BCLAF3: variants seen among roughly 807,000 people sequenced by gnomAD.
BCLAF3 encodes the protein BCLAF1 and THRAP3 family member 3.
A neutral mutation model predicts 51.2 loss-of-function variants in BCLAF3; 24 were observed. That is an observed-to-expected ratio of 0.47 (90% confidence interval 0.34 to 0.66). BCLAF3 has a LOEUF of 0.66. Among genes scored for constraint, BCLAF3 ranks in the 30% least tolerant of loss-of-function variants. The pLI is 0.01. For missense variants in BCLAF3, 465 were observed against 525.1 expected, an observed-to-expected ratio of 0.89 and a Z score of 1.12; for synonymous variants, 152 against 176.6, an observed-to-expected ratio of 0.86 and a Z score of 1.10.
At position 19,917,067 on chromosome X, in the gene BCLAF3, C is replaced by A; in HGVS notation, c.*238G>T. ...AACAAATAATGCCCTTCAAGTGATTCTTTTGAGACTTTTTGCAAAGGAAAC... is the reference window on the plus strand; with the variant it reads ...AACAAATAATGCCCTTCAAGTGATTATTTTGAGACTTTTTGCAAAGGAAAC... On this transcript the variant is annotated 3_prime_UTR_variant, in exon 12 of 12. Coordinates refer to ENST00000379682, the MANE Select transcript of BCLAF3 (RefSeq NM_001367774.2). The A allele has an allele frequency of 2.7e-6, 1 of 370,479 alleles. No individual in the cohort carries two copies. 30.5% of individuals were successfully genotyped at this position (370,479 alleles called of 1,213,427 possible).
chrX:19,922,092 A>G (rs1415896331), intron 11 of BCLAF3, among the ~76,000 whole-genome samples: 1 of 111,750 alleles, frequency 8.9e-6, no homozygotes, highest in Admixed American at 9.5e-5. Flanking sequence ...AAAGTTAACC[A>G]TAGGCCGGGA....
chrX:19,936,209 T>A (rs759657222), intron 9 of BCLAF3, among the ~76,000 whole-genome samples: 1 of 112,071 alleles, frequency 8.9e-6, no homozygotes, highest in African/African-American at 3.2e-5. Flanking sequence ...CTAGCATTTA[T>A]TCAGGCAGCT....
intron 1 of BCLAF3, among the ~76,000 whole-genome samples, chrX:19,971,447 T>C (rs2072255325): frequency 8.9e-6 from 1 of 112,459 alleles, no homozygotes; most frequent in African/African-American, 3.2e-5. Context: ...GCCCAAAATA[T>C]AATTGAACAT....
At chrX:19,925,951 C>T (rs2070341176) in intron 11 of BCLAF3, among the ~76,000 whole-genome samples, 1 of 111,462 alleles carries the variant, frequency 9.0e-6, no homozygotes, top group Admixed American at 9.6e-5. Flanking sequence ...GAGAGTGGAG[C>T]CCAGCTGTTC....
chrX:19,952,934 C>T (rs756541753), intron 7 of BCLAF3, 54 bp downstream of exon 7: 8 of 988,838 alleles, frequency 8.1e-6, no homozygotes, highest in Non-Finnish European at 9.9e-6. Context: ...AAGCCCCTTG[C>T]CGTTAATATA....
intron 2 of BCLAF3, 114 bp downstream of exon 2, chrX:19,970,110 A>C (rs1253132293): frequency 1.7e-6 from 1 of 595,784 alleles, no homozygotes; most frequent in East Asian, 3.3e-5. Flanking sequence ...CACTATGATA[A>C]AGTACCTACT....
At chrX:19,975,078 A>G (rs189652796) in intron 1 of BCLAF3, among the ~76,000 whole-genome samples, 1,529 of 111,257 alleles carry the variant, frequency 0.014, 9 homozygotes, top group Middle Eastern at 0.018. Flanking sequence ...CACACTTTAA[A>G]CCAGTAAACT....
intron 11 of BCLAF3, chrX:19,928,956 A>G (rs1466640788): frequency 8.9e-6 from 1 of 111,971 alleles, no homozygotes; most frequent in African/African-American, 3.2e-5. Context: ...GCATCAACAC[A>G]AAATTTCAGT....
intron 7 of BCLAF3, among the ~76,000 whole-genome samples, chrX:19,951,611 G>C (rs867490505): frequency 2.5e-4 from 18 of 71,703 alleles, no homozygotes; most frequent in Non-Finnish European, 4.3e-4. Context: ...AAAAAAAAAA[G>C]AAACAAACAA....
chrX:19,982,956 T>C (rs1018413613), intron 1 of BCLAF3, among the ~76,000 whole-genome samples: 1 of 85,389 alleles, frequency 1.2e-5, no homozygotes, highest in Non-Finnish European at 2.0e-5. Context: ...CCTTTTTTTT[T>C]TCTTTTTTTT....
At chrX:19,980,625 G>T (rs965475129) in intron 1 of BCLAF3, among the ~76,000 whole-genome samples, 9 of 111,558 alleles carry the variant, frequency 8.1e-5, no homozygotes. Context: ...AAGGATGAAG[G>T]CGGAAGATTA....
At chrX:19,971,041 T>G (rs2072239983) in intron 1 of BCLAF3, among the ~76,000 whole-genome samples, 1 of 112,584 alleles carries the variant, frequency 8.9e-6, no homozygotes, top group Admixed American at 9.4e-5. Flanking sequence ...CGTGATGGTA[T>G]ACTCTGCTTT....
In BCLAF3 at chrX:19,979,217, G is replaced by A. The variant is rs1273346339; in HGVS notation, c.-34-8919C>T. On this transcript the variant is annotated intron_variant, in intron 1 of 11. Transcript: ENST00000379682. ...GTGGAGGTTCCAGTGAGCCACGATT[G>A]TGCCACTGCACTCCAGCCTGGGTGA... is the stretch of plus-strand genomic sequence containing the variant. Among the ~76,000 whole-genome samples the A allele has an allele frequency of 3.6e-5, 4 of 110,311 alleles. No homozygotes were observed. In the East Asian group the frequency reaches 1.1e-3, roughly 31 times the overall value.
intron 4 of BCLAF3, among the ~76,000 whole-genome samples, chrX:19,963,572 C>A (rs1189070907): frequency 9.0e-6 from 1 of 111,593 alleles, no homozygotes; most frequent in Non-Finnish European, 1.9e-5. Flanking sequence ...TGATTCCCCC[C>A]CTTTATTTCT....
At position 19,965,676 on chromosome X, in the gene BCLAF3, A is replaced by G. The variant is rs373896190; in HGVS notation, c.642T>C (p.Tyr214=). ...RYPEDRDFRK[Y]GHTSKRPKDV... ...CTTTAGGTCTTTTTGATGTGTGTCC[A>G]TATTTTCTGAAATCACGATCCTCAG... Residue 214 remains tyrosine (Y), a synonymous_variant, in exon 4 of 12, where the codon TAT becomes TAC. Coordinates refer to ENST00000379682, the MANE Select transcript of BCLAF3 (RefSeq NM_001367774.2). The G allele has an allele frequency of 1.7e-5, 19 of 1,134,648 alleles. No individual in the cohort carries two copies. The highest frequency in any genetic ancestry group is 3.7e-5 in the African/African-American group (2 of 54,358). The allele number at this position is 1,134,648 out of a possible 1,213,427, so 93.5% of individuals were successfully genotyped here.
chrX:19,939,486 C>A (rs1464256701), intron 8 of BCLAF3, among the ~76,000 whole-genome samples: 1 of 111,810 alleles, frequency 8.9e-6, no homozygotes, highest in Non-Finnish European at 1.9e-5. Context: ...CAAAGACATA[C>A]CAATGGCCAA....
intron 11 of BCLAF3, among the ~76,000 whole-genome samples, chrX:19,920,477 A>G (rs1282246731): frequency 9.0e-6 from 1 of 111,250 alleles, no homozygotes; most frequent in Non-Finnish European, 1.9e-5. Context: ...ACTCCATTCA[A>G]TAAGCATTTT....
At chrX:19,946,040 G>A (rs2071278450) in intron 8 of BCLAF3, among the ~76,000 whole-genome samples, 1 of 109,125 alleles carries the variant, frequency 9.2e-6, no homozygotes, top group Non-Finnish European at 1.9e-5. Context: ...CGATTTTCCA[G>A]GTGCGTCCGT....
intron 11 of BCLAF3, among the ~76,000 whole-genome samples, chrX:19,917,774 A>G (rs2069981958): frequency 1.1e-5 from 1 of 89,000 alleles, no homozygotes. Flanking sequence ...TAACTGACTG[A>G]TAACTGCAGA....
Sources: gnomAD v4.1 joint callset for allele counts (sites outside exome capture counted in the v4.1 genomes callset) on GRCh38, gnomAD v4.1.1 for gene constraint, MANE v1.5 for transcripts, NCBI Gene and HGNC (gene_info 2026-07-23, HGNC 2026-07-21) for gene names.